The following DEF8 variants were observed in gnomAD, a reference collection of about 807,000 sequenced individuals.
The protein encoded by DEF8 is differentially expressed in FDCP 8 homolog, also known as DEF-8.
In DEF8, 38 loss-of-function variants were observed where a neutral mutation model predicts 59.1. The observed-to-expected ratio is 0.64, with a 90% confidence interval of 0.50 to 0.84. DEF8 has a LOEUF of 0.84. Among genes scored for constraint, DEF8 ranks in the 40% least tolerant of loss-of-function variants. The pLI is 0.00. For synonymous variants in DEF8, 265 were observed against 250.1 expected (o/e 1.06, Z -0.56); for missense variants, 557 against 615.2 (o/e 0.91, Z 1.00).
rs1202045112 is a variant in DEF8 at position 89,954,052 on chromosome 16, G to A, written c.-10-191G>A. 1.5e-5 allele frequency: 9 copies of A among 606,918 alleles called. 1 individual carries two copies. In the South Asian group the frequency reaches 1.7e-4, roughly 11 times the overall value. The allele number at this position is 606,918 out of a possible 1,614,324, so 37.6% of individuals were successfully genotyped here. Reference sequence around the variant, plus strand: ...TTCCAAGGGGACGCCACCAGTGGGGGCCTGGGCAGGAGGCAGCTGAGGTGT... The same window carrying A: ...TTCCAAGGGGACGCCACCAGTGGGGACCTGGGCAGGAGGCAGCTGAGGTGT... On this transcript the variant is annotated intron_variant, in intron 2 of 12. Coordinates refer to ENST00000563594, the MANE Select transcript of DEF8 (RefSeq NM_001242818.2). The surrounding 1 kb of genome is among the most constrained non-coding windows in gnomAD (Gnocchi z 4.3).
intron 2 of DEF8, chr16:89,949,964 G>A (rs1177197001): frequency 1.0e-6 from 1 of 962,112 alleles, no homozygotes; most frequent in Non-Finnish European, 1.3e-6. Flanking sequence ...CTAAGGCTGC[G>A]AGGCCAGCGG....
At position 89,959,162 on chromosome 16, in the gene DEF8, C is replaced by T. The variant is rs748212208; in HGVS notation, c.514+7C>T. On this transcript the variant is annotated splice_region_variant and intron_variant, in intron 6 of 12. Transcript: ENST00000563594. ...ACCTGGTACACCTGCACAGGTGGGCCGAGACCCAGACGAGGAGTGAGGAAT... is the reference window on the plus strand; with the variant it reads ...ACCTGGTACACCTGCACAGGTGGGCTGAGACCCAGACGAGGAGTGAGGAAT... 12 of 1,613,706 alleles carry T rather than the reference C, an allele frequency of 7.4e-6. No homozygotes were observed. The highest frequency in any genetic ancestry group is 1.3e-5 in the African/African-American group (1 of 74,906).
rs868383803 is a variant in DEF8 at position 89,965,697 on chromosome 16, C to T, written c.1254-164C>T. On this transcript the variant is annotated intron_variant, in intron 12 of 12. Coordinates refer to ENST00000563594, the MANE Select transcript of DEF8 (RefSeq NM_001242818.2). Reference sequence around the variant, plus strand: ...AGGTCCACATCTGCACGCCCGTAAGCGCTCTGCACACGGCCATACAGTCAC... The same window carrying T: ...AGGTCCACATCTGCACGCCCGTAAGTGCTCTGCACACGGCCATACAGTCAC... 1.4e-4 allele frequency among the ~76,000 whole-genome samples: 22 copies of T among 152,250 alleles called. 1 individual carries two copies. The highest frequency in any genetic ancestry group is 4.6e-4 in the African/African-American group (19 of 41,530).
chr16:89,955,962 A>C (rs1483982416), intron 4 of DEF8, among the ~76,000 whole-genome samples: 1 of 151,712 alleles, frequency 6.6e-6, no homozygotes, highest in African/African-American at 2.4e-5. Flanking sequence ...AGTCCCAGCT[A>C]CTCGGGAGGC....
At chr16:89,953,846 C>T (rs953174942) in intron 2 of DEF8, among the ~76,000 whole-genome samples, 1 of 152,180 alleles carries the variant, frequency 6.6e-6, no homozygotes, top group African/African-American at 2.4e-5. Flanking sequence ...AGGTGGATAG[C>T]AAGCTAGAGC....
rs973959065 is a variant in DEF8 at position 89,949,717 on chromosome 16, C to T, written c.-11+204C>T. On this transcript the variant is annotated intron_variant, in intron 2 of 12. Transcript: ENST00000563594. ...GAACCCCGCCGGCTTTCTTCGGCTT[C>T]CTTTCATTGCTAAGTTGTGGGGTCC... 25 of 1,354,656 alleles carry T rather than the reference C, an allele frequency of 1.8e-5. No homozygotes were observed. In the African/African-American group the frequency reaches 3.2e-4, roughly 17 times the overall value. The allele number at this position is 1,354,656 out of a possible 1,614,324, so 83.9% of individuals were successfully genotyped here.
In DEF8 at chr16:89,954,231, C is replaced by T. The variant is rs1216610585; in HGVS notation, c.-10-12C>T. On this transcript the variant is annotated splice_polypyrimidine_tract_variant and intron_variant, in intron 2 of 12. Transcript: ENST00000563594. The surrounding 1 kb of genome is among the most constrained non-coding windows in gnomAD (Gnocchi z 4.3). The stretch of plus-strand genomic sequence containing the variant: ...TACCTGGGGACTCATCCTGGCCCTG[C>T]CTGGCCCTCAGGTGGGATGCTATGG... 6.2e-7 allele frequency: 1 copy of T among 1,610,048 alleles called. No homozygotes were observed. The highest frequency in any genetic ancestry group is 8.5e-7 in the Non-Finnish European group (1 of 1,178,932).
Position 89,955,184 on chromosome 16 carries a change from TG to T in DEF8, c.141del (p.Pro49LeufsTer12). On this transcript the variant is annotated frameshift_variant, in exon 4 of 13. Coordinates refer to ENST00000563594, the MANE Select transcript of DEF8 (RefSeq NM_001242818.2). LOFTEE classifies it high-confidence loss of function. ...DVTPEEALPE[L>X]PPGEPEFRCP... ...CTTCCTCCAGAGGCCCTGCCTGAGC[TG>T]CCCCCTGGGGAGCCGGAATTCCGCT... The T allele has an allele frequency of 6.2e-7, 1 of 1,613,438 alleles. No individual in the cohort carries two copies. Among genetic ancestry groups the T allele is most frequent in the Non-Finnish European group, 8.5e-7 (1 of 1,179,858 alleles).
intron 8 of DEF8, 47 bp downstream of exon 8, chr16:89,961,911 A>G (rs369419652): frequency 6.3e-7 from 1 of 1,598,128 alleles, no homozygotes; most frequent in Non-Finnish European, 8.6e-7. Context: ...GGAGAGCAGG[A>G]AGGGGGTTGG....
At chr16:89,963,727 C>A (rs374919338) in intron 10 of DEF8, 109 of 521,760 alleles carry the variant, frequency 2.1e-4, no homozygotes, top group African/African-American at 1.9e-3. Context: ...TTTCAAGGTT[C>A]ATCTAATTAT....
chr16:89,954,399 G>A lies in DEF8; in HGVS notation c.124+23G>A. 1 of 1,611,086 alleles carries A rather than the reference G, an allele frequency of 6.2e-7. No homozygotes were observed. Among genetic ancestry groups the A allele is most frequent in the South Asian group, 1.1e-5 (1 of 90,750 alleles). On this transcript the variant is annotated intron_variant, in intron 3 of 12. Transcript: ENST00000563594. The surrounding 1 kb of genome is among the most constrained non-coding windows in gnomAD (Gnocchi z 4.3). ...AAGGTGGGTGCTGGTGGGAGTCAGG[G>A]TGGGAGCTGGGCAGGTCTCTGACTG...
chr16:89,949,265 C>T (rs551686579), intron 1 of DEF8, among the ~76,000 whole-genome samples, 152 bp from the exon 2 acceptor site: 8 of 152,098 alleles, frequency 5.3e-5, no homozygotes, highest in Non-Finnish European at 7.4e-5. Context: ...CGTGGCCGTG[C>T]CCCCGCCCTG....
intron 2 of DEF8, among the ~76,000 whole-genome samples, chr16:89,951,043 A>G (rs763878890): frequency 3.9e-5 from 6 of 152,232 alleles, no homozygotes; most frequent in Non-Finnish European, 7.3e-5. Flanking sequence ...TGTGCCGGCC[A>G]GTGTTCTCTG....
rs748931782 is a variant in DEF8, at chr16:89,963,365, G to A, written c.924G>A (p.Lys308=). The A allele has an allele frequency of 1.3e-5, 21 of 1,613,204 alleles. No individual in the cohort carries two copies. Among genetic ancestry groups the A allele is most frequent in the Non-Finnish European group, 1.8e-5 (21 of 1,179,634 alleles). ...SYVEELVEIR[K]LRQDILLMKP... ...GCCTGCTCCCGCCTTGTTTGCAGAAGCTGCGCCAGGACATCCTGCTCATGA... is the reference window on the plus strand; with the variant it reads ...GCCTGCTCCCGCCTTGTTTGCAGAAACTGCGCCAGGACATCCTGCTCATGA... Residue 308 remains lysine, a splice_region_variant and synonymous_variant, in exon 10 of 13, where the codon AAG becomes AAA. Transcript: ENST00000563594.
chr16:89,957,461 G>A, intron 4 of DEF8, 50 bp from the exon 5 acceptor site: 1 of 1,536,638 alleles, frequency 6.5e-7, no homozygotes. Context: ...CCTTAACAGG[G>A]AGCTCCTGCA....
chr16:89,950,055 C>T, intron 2 of DEF8: 2 of 1,000,316 alleles, frequency 2.0e-6, no homozygotes, highest in Middle Eastern at 5.0e-4. Flanking sequence ...TAAAAGATGC[C>T]TTTTTTCACA....
Position 89,959,056 on chromosome 16 carries a change from C to CA in DEF8, c.416dup (p.His139GlnfsTer16). Reference sequence around the variant, plus strand: ...GCCAAACATCCGAGTGCTCCTTGAGCACCGCTTTTACAAGGAGAAGAGCAA... The same window carrying CA: ...GCCAAACATCCGAGTGCTCCTTGAGCAACCGCTTTTACAAGGAGAAGAGCAA... On this transcript the variant is annotated frameshift_variant, in exon 6 of 13. Coordinates refer to ENST00000563594, the MANE Select transcript of DEF8 (RefSeq NM_001242818.2). LOFTEE classifies it high-confidence loss of function. 2 of 1,613,576 alleles carry CA rather than the reference C, an allele frequency of 1.2e-6. No individual in the cohort carries two copies. Among genetic ancestry groups the CA allele is most frequent in the Non-Finnish European group, 1.7e-6 (2 of 1,180,028 alleles).
Position 89,954,565 on chromosome 16 carries a change from C to T in DEF8, c.124+189C>T, listed in dbSNP as rs2032798758. Among the ~76,000 whole-genome samples, 1 of 152,244 alleles carries T rather than the reference C, an allele frequency of 6.6e-6. No homozygotes were observed. On this transcript the variant is annotated intron_variant, in intron 3 of 12. Transcript: ENST00000563594. The surrounding 1 kb of genome is among the most constrained non-coding windows in gnomAD (Gnocchi z 4.3). ...GTTTCTGTGTCCCCACTAGAATTCA[C>T]ATTCCTGAGGGCAAGATTTGTGCCT...
chr16:89,952,068 A>G (rs11859161), intron 2 of DEF8, among the ~76,000 whole-genome samples: 24,330 of 152,094 alleles, frequency 0.16, 2,289 homozygotes, highest in African/African-American at 0.25. Flanking sequence ...TAGTAGAGAC[A>G]GGGTTTCAAT....
Sources: gnomAD v4.1 joint callset for allele counts (sites outside exome capture counted in the v4.1 genomes callset) on GRCh38, gnomAD v4.1.1 for gene constraint, Gnocchi (gnomAD v3.1) non-coding constraint, MANE v1.5 for transcripts, NCBI Gene and HGNC (gene_info 2026-07-23, HGNC 2026-07-21) for gene names.